The following ZNF343 variants were observed in gnomAD, a reference collection of about 807,000 sequenced individuals.
The protein encoded by ZNF343 is zinc finger protein 343.
A neutral mutation model predicts 13.8 loss-of-function variants in ZNF343; 11 were observed. That is an observed-to-expected ratio of 0.80 (90% CI 0.50 to 1.32). The LOEUF is 1.32. ZNF343 is among the 40% of genes most tolerant of loss of function. The pLI is 0.00. For synonymous variants in ZNF343, 248 were observed against 260.0 expected (o/e 0.95, Z 0.44); for missense variants, 658 against 714.2 (o/e 0.92, Z 0.90).
chr20:2,519,992 A>G (rs1005638265), intron 1 of ZNF343, among the ~76,000 whole-genome samples: 2 of 152,216 alleles, frequency 1.3e-5, no homozygotes, highest in African/African-American at 4.8e-5. Flanking sequence ...ATTTGGCTCT[A>G]AGTTATTTTT....
At chr20:2,514,019 T>A (rs2085749218) in intron 1 of ZNF343, among the ~76,000 whole-genome samples, 1 of 152,192 alleles carries the variant, frequency 6.6e-6, no homozygotes. Context: ...GATTCCCTTT[T>A]GGGGCGATGA....
Position 2,482,893 on chromosome 20 carries a change from T to C in ZNF343, c.*268A>G. The C allele has an allele frequency of 2.1e-6, 1 of 476,700 alleles. No individual in the cohort carries two copies. Among genetic ancestry groups the C allele is most frequent in the Non-Finnish European group, 3.7e-6 (1 of 268,602 alleles). The allele number at this position is 476,700 out of a possible 1,614,324, so 29.5% of individuals were successfully genotyped here. ...GATTATTGCTAAAGCCTTCCCACAG[T>C]CCCTACACATAAACTTCTCTCCTAA... On this transcript the variant is annotated 3_prime_UTR_variant, in exon 6 of 6. Transcript: ENST00000278772.
chr20:2,485,859 C>G (rs1306615514), intron 5 of ZNF343, among the ~76,000 whole-genome samples: 2 of 152,242 alleles, frequency 1.3e-5, no homozygotes, highest in Admixed American at 1.3e-4. Flanking sequence ...AGCTGCTTGT[C>G]TGGCAGCCTT....
At chr20:2,507,016 C>T (rs1283442806) in intron 1 of ZNF343, among the ~76,000 whole-genome samples, 1 of 151,810 alleles carries the variant, frequency 6.6e-6, no homozygotes, top group Non-Finnish European at 1.5e-5. Flanking sequence ...GTAATCCCAG[C>T]ACTTTGGGAG....
At position 2,499,196 on chromosome 20, in the gene ZNF343, T is replaced by A. The variant is rs1295516289; in HGVS notation, c.-150+1460A>T. On this transcript the variant is annotated intron_variant, in intron 2 of 5. Transcript: ENST00000278772. ...AGAAATGGCCCTCTTCCGGGCGCGG[T>A]GGCTCACGCCTGTAATCCCAGCACT... Among the ~76,000 whole-genome samples, 5 of 139,520 alleles carry A rather than the reference T, an allele frequency of 3.6e-5. No homozygotes were observed. In the East Asian group the frequency reaches 1.2e-3, roughly 34 times the overall value. The allele number at this position is 139,520 out of a possible 152,430, so 91.5% of individuals were successfully genotyped here.
chr20:2,522,788 A>T (rs1568494580), intron 1 of ZNF343, among the ~76,000 whole-genome samples: 3 of 152,200 alleles, frequency 2.0e-5, no homozygotes, highest in African/African-American at 7.2e-5. Flanking sequence ...GTCTCTACAA[A>T]AGACACAAAA....
At chr20:2,506,164 C>T (rs976149491) in intron 1 of ZNF343, among the ~76,000 whole-genome samples, 5 of 152,134 alleles carry the variant, frequency 3.3e-5, no homozygotes, top group African/African-American at 1.2e-4. Flanking sequence ...CAAAAGAAGA[C>T]ATTTATGCAG....
rs1267729823 is a variant in ZNF343, at chr20:2,484,367, T to C, written c.594A>G (p.Gln198=). 6.2e-7 allele frequency: 1 copy of C among 1,614,226 alleles called. No individual in the cohort carries two copies. The highest frequency in any genetic ancestry group is 8.5e-7 in the Non-Finnish European group (1 of 1,180,034). ...CTTTTCTAGGACTTGCTGACTGTCT[T>C]TGGAGTGGGCTGGGGAATGCCCTTG... ...ETSRAFPSPL[Q]RQSASPRKGN... is the part of the protein sequence containing the mutation. The change falls in exon 6 of 6, where the codon CAA becomes CAG. Residue 198 remains glutamine, a synonymous_variant. Coordinates refer to ENST00000278772, the MANE Select transcript of ZNF343 (RefSeq NM_024325.6).
chr20:2,523,869 C>T (rs145339928), intron 1 of ZNF343, among the ~76,000 whole-genome samples: 258 of 150,854 alleles, frequency 1.7e-3, no homozygotes, highest in African/African-American at 5.9e-3. Context: ...TTCTTACACA[C>T]GATCCAAGAA....
chr20:2,483,358 T>A lies in ZNF343; in HGVS notation c.1603A>T (p.Thr535Ser), dbSNP rs201389851. Residue 535 changes from threonine (T) to serine (S), a missense_variant, in exon 6 of 6, where the codon ACC (threonine) becomes TCC (serine). Physicochemically the swap from Thr to Ser is moderately conservative, Grantham distance 58. Transcript: ENST00000278772. ...ECGRGFCDKS[T>S]LIVHERTHSG... ...TGTGTCCTCTCATGTACAATGAGGG[T>A]TGACTTGTCACAAAAGCCTCGCCCA... 1.9e-6 allele frequency: 3 copies of A among 1,610,584 alleles called. No individual in the cohort carries two copies. The highest frequency in any genetic ancestry group is 1.1e-5 in the South Asian group (1 of 90,886).
chr20:2,514,464 C>G (rs1177769908), intron 1 of ZNF343, among the ~76,000 whole-genome samples: 5 of 152,136 alleles, frequency 3.3e-5, no homozygotes, highest in Admixed American at 2.0e-4. Flanking sequence ...CTTAGAATTT[C>G]TCTTATTGGG....
rs114137069 is a variant in ZNF343 at position 2,523,302 on chromosome 20, C to T, written c.-347+1153G>A. 9.0e-3 allele frequency among the ~76,000 whole-genome samples: 1,375 copies of T among 152,312 alleles called. 23 individuals are homozygous for T. Among genetic ancestry groups the T allele is most frequent in the African/African-American group, 0.031 (1,273 of 41,546 alleles). On this transcript the variant is annotated intron_variant, in intron 1 of 6. Coordinates refer to the ZNF343 transcript ENST00000358413. Reference sequence around the variant, plus strand: ...CCAGAAAACTCATCAATAATCCACACCTTGTTTAGCATACAATCAAGAAAT... The same window carrying T: ...CCAGAAAACTCATCAATAATCCACATCTTGTTTAGCATACAATCAAGAAAT...
intron 2 of ZNF343, among the ~76,000 whole-genome samples, chr20:2,498,400 G>A (rs1547062): frequency 0.38 from 57,927 of 152,088 alleles, 11,714 homozygotes; most frequent in Non-Finnish European, 0.46. Flanking sequence ...GAGGCTGAGG[G>A]CAACTTTCCC....
intron 5 of ZNF343, among the ~76,000 whole-genome samples, chr20:2,487,716 A>G (rs2122567953): frequency 6.6e-6 from 1 of 152,360 alleles, no homozygotes; most frequent in Non-Finnish European, 1.5e-5. Context: ...AAGCATATGC[A>G]TATATAGTTT....
chr20:2,493,490 GA>G (rs371945940), intron 4 of ZNF343, 28 bp downstream of exon 4: 81,751 of 897,926 alleles, frequency 0.091, 2 homozygotes, highest in South Asian at 0.12. Flanking sequence ...AGCACTTCAG[GA>G]AAAAAAAAAA....
Position 2,508,641 on chromosome 20 carries a change from T to TC in ZNF343, c.-237+239dup, listed in dbSNP as rs1489020129. ...GCATTAGAGTTCTAGGTCACTCTCG[T>TC]CCCCCCGGGGGGAAAAAAGGTCCGC... On this transcript the variant is annotated intron_variant, in intron 1 of 5. Transcript: ENST00000278772. The surrounding 1 kb of genome is among the most constrained non-coding windows in gnomAD (Gnocchi z 4.5). 6.6e-6 allele frequency among the ~76,000 whole-genome samples: 1 copy of TC among 151,812 alleles called. No individual in the cohort carries two copies. The highest frequency in any genetic ancestry group is 1.5e-5 in the Non-Finnish European group (1 of 67,942).
chr20:2,499,444 G>A (rs1218806197), intron 2 of ZNF343, among the ~76,000 whole-genome samples: 4 of 77,712 alleles, frequency 5.1e-5, no homozygotes, highest in Admixed American at 1.8e-4. Flanking sequence ...CAGCCTGGGC[G>A]ACAGAGCGAG....
intron 1 of ZNF343, among the ~76,000 whole-genome samples, chr20:2,507,537 C>A (rs912843696): frequency 6.6e-6 from 1 of 151,310 alleles, no homozygotes; most frequent in African/African-American, 2.4e-5. Flanking sequence ...TTTTACCTCC[C>A]CAAAGCTCCA....
intron 1 of ZNF343, among the ~76,000 whole-genome samples, chr20:2,507,663 A>G (rs2085685646): frequency 6.6e-6 from 1 of 152,168 alleles, no homozygotes; most frequent in African/African-American, 2.4e-5. Context: ...GCAATGGCCA[A>G]TCCCTGTGGG....
Sources: gnomAD v4.1 joint callset for allele counts (sites outside exome capture counted in the v4.1 genomes callset) on GRCh38, gnomAD v4.1.1 for gene constraint, Gnocchi (gnomAD v3.1) non-coding constraint, MANE v1.5 for transcripts, NCBI Gene and HGNC (gene_info 2026-07-23, HGNC 2026-07-21) for gene names.